The following RAB28 variants were observed in gnomAD, a reference collection of about 807,000 sequenced individuals.
RAB28 encodes ras-related protein Rab-28.
Under a neutral mutation model 31.7 loss-of-function variants are expected in RAB28, and 24 were observed. The ratio of observed to expected loss-of-function variants is 0.76; its 90% CI spans 0.55 to 1.06. The LOEUF (loss-of-function observed/expected upper bound fraction) is 1.06. RAB28 is among the 50% of genes least tolerant of loss of function. The pLI is 0.00. For synonymous variants in RAB28, 100 were observed against 90.4 expected, an observed-to-expected ratio of 1.11 and a Z score of -0.60; for missense variants, 254 against 258.5, an observed-to-expected ratio of 0.98 and a Z score of 0.12.
intron 1 of RAB28, among the ~76,000 whole-genome samples, chr4:13,483,130 T>G (rs982478110): frequency 6.6e-6 from 1 of 152,140 alleles, no homozygotes; most frequent in Admixed American, 6.5e-5. Context: ...TCTTCACTAT[T>G]TGCTGGTGGA....
At chr4:13,384,939 A>G (rs1047664379) in intron 4 of RAB28, among the ~76,000 whole-genome samples, 3 of 152,216 alleles carry the variant, frequency 2.0e-5, no homozygotes, top group Non-Finnish European at 4.4e-5. Context: ...GAGTATGTTG[A>G]AACCCAATCC....
At chr4:13,478,093 T>A (rs1159907647) in intron 2 of RAB28, among the ~76,000 whole-genome samples, 2 of 151,572 alleles carry the variant, frequency 1.3e-5, no homozygotes, top group Admixed American at 6.6e-5. Context: ...TGAAAAAAAC[T>A]CCTGCAAAAA....
intron 3 of RAB28, among the ~76,000 whole-genome samples, chr4:13,466,003 G>A (rs1279551708): frequency 1.3e-5 from 2 of 151,786 alleles, no homozygotes; most frequent in African/African-American, 2.4e-5. Context: ...ATGGTTTTGG[G>A]AAAACTAGAT....
intron 4 of RAB28, among the ~76,000 whole-genome samples, chr4:13,399,785 T>C (rs1711641138): frequency 1.3e-5 from 2 of 152,204 alleles, no homozygotes; most frequent in African/African-American, 4.8e-5. Context: ...TGAAAAAGTA[T>C]ACCAGTCTTT....
intron 4 of RAB28, among the ~76,000 whole-genome samples, chr4:13,403,624 G>T (rs1026727301): frequency 6.6e-6 from 1 of 152,108 alleles, no homozygotes; most frequent in East Asian, 1.9e-4. Flanking sequence ...TTCTGTTTCA[G>T]TATTATGTAT....
At chr4:13,430,842 G>A (rs149887588) in intron 4 of RAB28, among the ~76,000 whole-genome samples, 32 of 152,284 alleles carry the variant, frequency 2.1e-4, no homozygotes, top group African/African-American at 7.0e-4. Context: ...ACCCCTAAAG[G>A]AAGAGGGAAG....
chr4:13,410,454 C>T (rs1450994593), intron 4 of RAB28, among the ~76,000 whole-genome samples: 1 of 152,002 alleles, frequency 6.6e-6, no homozygotes, highest in Non-Finnish European at 1.5e-5. Flanking sequence ...AAATATATTG[C>T]AAACCCCACA....
chr4:13,381,996 G>T (rs1326973231), intron 4 of RAB28, among the ~76,000 whole-genome samples: 1 of 152,118 alleles, frequency 6.6e-6, no homozygotes, highest in Non-Finnish European at 1.5e-5. Context: ...AGCATATTTG[G>T]CTTGAAAGAG....
intron 4 of RAB28, among the ~76,000 whole-genome samples, chr4:13,417,691 G>T (rs1003696915): frequency 6.6e-6 from 1 of 152,110 alleles, no homozygotes; most frequent in Non-Finnish European, 1.5e-5. Flanking sequence ...AAACAGAAAG[G>T]AACAGCATCA....
At chr4:13,434,505 G>A (rs1284021224) in intron 4 of RAB28, among the ~76,000 whole-genome samples, 1 of 152,082 alleles carries the variant, frequency 6.6e-6, no homozygotes, top group Non-Finnish European at 1.5e-5. Flanking sequence ...CCCACTGACA[G>A]CATTAAACAG....
chr4:13,371,376 C>T, intron 6 of RAB28: 2 of 985,250 alleles, frequency 2.0e-6, no homozygotes, highest in Non-Finnish European at 2.4e-6. Flanking sequence ...CTATGGGTTA[C>T]AATGAAGAGA....
chr4:13,476,754 A>G (rs777088429), intron 2 of RAB28, among the ~76,000 whole-genome samples: 21 of 151,590 alleles, frequency 1.4e-4, no homozygotes, highest in Non-Finnish European at 2.7e-4. Flanking sequence ...AATCAAGAAT[A>G]TATCTAATAC....
intron 4 of RAB28, among the ~76,000 whole-genome samples, chr4:13,437,296 T>C (rs1258255057): frequency 6.6e-6 from 1 of 151,954 alleles, no homozygotes; most frequent in Non-Finnish European, 1.5e-5. Context: ...TCCTGAACAT[T>C]GGCATAGGCA....
At chr4:13,445,452 T>C (rs1384252267) in intron 4 of RAB28, among the ~76,000 whole-genome samples, 1 of 152,194 alleles carries the variant, frequency 6.6e-6, no homozygotes, top group East Asian at 1.9e-4. Context: ...TTCTGGCTTC[T>C]GGAATTTTCA....
At chr4:13,465,847 A>G (rs1185159356) in intron 3 of RAB28, among the ~76,000 whole-genome samples, 1 of 151,892 alleles carries the variant, frequency 6.6e-6, no homozygotes, top group Admixed American at 6.6e-5. Context: ...AGTAATTACA[A>G]CAGCATGGTA....
At chr4:13,401,859 C>G (rs9999665) in intron 4 of RAB28, among the ~76,000 whole-genome samples, 120,335 of 152,164 alleles carry the variant, frequency 0.79, 49,210 homozygotes, top group East Asian at 0.91. Flanking sequence ...TGGAAACTTA[C>G]ATCACTGATT....
At chr4:13,467,959 GA>G (rs1301022806) in intron 3 of RAB28, among the ~76,000 whole-genome samples, 1 of 151,904 alleles carries the variant, frequency 6.6e-6, no homozygotes, top group Admixed American at 6.6e-5. Context: ...TTAATGAAAA[GA>G]AAGCTGGAGT....
chr4:13,388,640 T>C (rs1463684586), intron 4 of RAB28, among the ~76,000 whole-genome samples: 1 of 151,952 alleles, frequency 6.6e-6, no homozygotes, highest in African/African-American at 2.4e-5. Flanking sequence ...TGTTAATATC[T>C]AGAATATATA....
chr4:13,465,647 A>G (rs891441479), intron 3 of RAB28, among the ~76,000 whole-genome samples: 1 of 151,912 alleles, frequency 6.6e-6, no homozygotes, highest in African/African-American at 2.4e-5. Context: ...AGGAAATATT[A>G]AAAGAGGTTA....
Sources: allele counts gnomAD v4.1 joint callset (sites outside exome capture counted in the v4.1 genomes callset), GRCh38; gene constraint gnomAD v4.1.1; transcripts MANE v1.5; gene names NCBI Gene and HGNC (gene_info 2026-07-23, HGNC 2026-07-21).